Variants in FCN3 observed in about 807,000 individuals in gnomAD.
The protein encoded by FCN3 is ficolin-3.
A neutral mutation model predicts 31.5 loss-of-function variants in FCN3; 28 were observed. The observed-to-expected ratio is 0.89, with a 90% CI of 0.66 to 1.22. FCN3 has a LOEUF of 1.22. FCN3 is among the 50% of genes most tolerant of loss of function. The probability of loss-of-function intolerance (pLI) is 0.00; values close to 1 mark genes in which losing one functional copy is unlikely to be tolerated. For missense variants in FCN3, 351 were observed against 386.8 expected, an observed-to-expected ratio of 0.91 and a Z score of 0.78; for synonymous variants, 124 against 147.4, an observed-to-expected ratio of 0.84 and a Z score of 1.15.
chr1:27,369,173 G>C lies in FCN3; in HGVS notation c.*63C>G. On this transcript the variant is annotated 3_prime_UTR_variant, in exon 8 of 8. Coordinates refer to ENST00000270879, the MANE Select transcript of FCN3 (RefSeq NM_003665.4). ...AGGCAAGCAGAGGTGGTTGGCAAAGGCAAGGTGGCTGACGATCCGGAAGCT... is the reference window on the plus strand; with the variant it reads ...AGGCAAGCAGAGGTGGTTGGCAAAGCCAAGGTGGCTGACGATCCGGAAGCT... The C allele has an allele frequency of 6.3e-7, 1 of 1,590,904 alleles. No individual in the cohort carries two copies. Among genetic ancestry groups the C allele is most frequent in the South Asian group, 1.1e-5 (1 of 90,076 alleles).
rs1285141626 is a variant in FCN3 at position 27,371,216 on chromosome 1, A to G, written c.394-244T>C. Among the ~76,000 whole-genome samples, 5 of 152,200 alleles carry G rather than the reference A, an allele frequency of 3.3e-5. No homozygotes were observed. The East Asian group carries it at 9.6e-4, about 29-fold the overall frequency. ...CCTGGGAAGACTGAATTGACAAAAC[A>G]CTGTCCCCACCCACAGGAGATGGCC... On this transcript the variant is annotated intron_variant, in intron 5 of 7. Coordinates refer to ENST00000270879, the MANE Select transcript of FCN3 (RefSeq NM_003665.4).
chr1:27,373,451 G>C, intron 4 of FCN3, 37 bp downstream of exon 4: 1 of 1,612,810 alleles, frequency 6.2e-7, no homozygotes, highest in Non-Finnish European at 8.5e-7. Flanking sequence ...AACACCATGT[G>C]ATCCCAAGTT....
Position 27,369,471 on chromosome 1 carries a change from G to T in FCN3, c.665C>A (p.Ser222Tyr), listed in dbSNP as rs2016100629. Residue 222 changes from serine (S) to tyrosine (Y), a missense_variant, in exon 8 of 8, where the codon TCC becomes TAC. Ser to Tyr is a moderately radical substitution (Grantham distance 144). Transcript: ENST00000270879. ...GGGCCTCCCACTGTGGAGGCTCAGG[G>T]AATCCCCTAGCAGGGAAGGGATGGA... ...GKFSEGTAGD[S>Y]LSLHSGRPFT... is the part of the protein sequence containing the mutation. 1 of 1,613,704 alleles carries T rather than the reference G, an allele frequency of 6.2e-7. No homozygotes were observed. Among genetic ancestry groups the T allele is most frequent in the Non-Finnish European group, 8.5e-7 (1 of 1,179,720 alleles).
chr1:27,369,730 C>G (rs1036530714), intron 7 of FCN3, among the ~76,000 whole-genome samples: 1 of 151,116 alleles, frequency 6.6e-6, no homozygotes, highest in Non-Finnish European at 1.5e-5. Flanking sequence ...GAATCCCCGG[C>G]CCCCCTCTAG....
intron 3 of FCN3, 84 bp from the exon 4 acceptor site, chr1:27,373,604 T>C (rs2016191963): frequency 1.4e-6 from 2 of 1,441,934 alleles, no homozygotes; most frequent in Admixed American, 1.8e-5. Flanking sequence ...ACCCAGGCCC[T>C]TTTCCGAATC....
intron 3 of FCN3, 54 bp from the exon 4 acceptor site, chr1:27,373,574 G>C (rs370382377): frequency 6.7e-4 from 1,068 of 1,593,862 alleles, no homozygotes; most frequent in Non-Finnish European, 8.8e-4. Flanking sequence ...CCCCAGCGCT[G>C]AGCCACCAGT....
rs3813800 is a variant in FCN3, at chr1:27,370,983, G to T, written c.394-11C>A. On this transcript the variant is annotated splice_polypyrimidine_tract_variant and intron_variant, in intron 5 of 7. Coordinates refer to ENST00000270879, the MANE Select transcript of FCN3 (RefSeq NM_003665.4). ...GCGCCTCTGAAACACCTGGGGGAGGGGGGGCACAGCAGCTATTACTCCAGG... is the reference window on the plus strand; with the variant it reads ...GCGCCTCTGAAACACCTGGGGGAGGTGGGGCACAGCAGCTATTACTCCAGG... 23 of 1,610,974 alleles carry T rather than the reference G, an allele frequency of 1.4e-5. No homozygotes were observed. The Admixed American group carries it at 1.5e-4, about 11-fold the overall frequency.
rs2148069313 is a variant in FCN3 at position 27,369,450 on chromosome 1, C to T, written c.686G>A (p.Arg229Lys). 2 of 1,614,170 alleles carry T rather than the reference C, an allele frequency of 1.2e-6. No homozygotes were observed. Among genetic ancestry groups the T allele is most frequent in the Middle Eastern group, 1.6e-4 (1 of 6,062 alleles). Reference protein sequence around the residue: ...AGDSLSLHSGRPFTTYDADHD... With the variant: ...AGDSLSLHSGKPFTTYDADHD... The stretch of plus-strand genomic sequence containing the variant: ...GTCAGCGTCATAGGTGGTAAAGGGC[C>T]TCCCACTGTGGAGGCTCAGGGAATC... Residue 229 changes from arginine (R) to lysine (K), a missense_variant, in exon 8 of 8, where the codon AGG becomes AAG. By Grantham distance (26) the Arg-to-Lys change is conservative (BLOSUM62 2). Transcript: ENST00000270879.
intron 5 of FCN3, 148 bp downstream of exon 5, chr1:27,372,988 C>T: frequency 1.0e-6 from 1 of 987,070 alleles, no homozygotes; most frequent in East Asian, 2.4e-5. Context: ...CCTCATACTT[C>T]TTCAGGTCCC....
In FCN3 at chr1:27,369,457, T is replaced by C. The variant is rs763335663; in HGVS notation, c.679A>G (p.Ser227Gly). The C allele has an allele frequency of 6.8e-6, 11 of 1,613,798 alleles. No homozygotes were observed. The South Asian group carries it at 9.9e-5, about 14-fold the overall frequency. ...TCATAGGTGGTAAAGGGCCTCCCAC[T>C]GTGGAGGCTCAGGGAATCCCCTAGC... ...GTAGDSLSLH[S>G]GRPFTTYDAD... Residue 227 changes from serine (S) to glycine (G), a missense_variant, in exon 8 of 8, where the codon AGT (serine) becomes GGT (glycine). Ser to Gly is a moderately conservative substitution (Grantham distance 56). Coordinates refer to ENST00000270879, the MANE Select transcript of FCN3 (RefSeq NM_003665.4).
Position 27,370,603 on chromosome 1 carries a change from G to A in FCN3, c.651C>T (p.Gly217=). Residue 217 remains glycine, a synonymous_variant, in exon 7 of 8, where the codon GGC becomes GGT. Transcript: ENST00000270879. ...CCCCTTAGGCTCACTCACCTGCAGT[G>A]CCCTCTGAGAACTTGCCCAGTGCCA... is the stretch of plus-strand genomic sequence containing the variant. ...YQLALGKFSE[G]TAGDSLSLHS... 2 of 1,614,088 alleles carry A rather than the reference G, an allele frequency of 1.2e-6. No homozygotes were observed. The highest frequency in any genetic ancestry group is 1.7e-6 in the Non-Finnish European group (2 of 1,179,914).
chr1:27,370,800 C>G, intron 6 of FCN3, 43 bp downstream of exon 6: 2 of 1,610,782 alleles, frequency 1.2e-6, no homozygotes, highest in Non-Finnish European at 1.7e-6. Context: ...TTCAGGATGG[C>G]AGACAGTAAC....
At chr1:27,374,057 G>A (rs767786831) in intron 2 of FCN3, 48 bp from the exon 3 acceptor site, 2 of 1,546,214 alleles carry the variant, frequency 1.3e-6, no homozygotes, top group Admixed American at 3.7e-5. Context: ...CCATGCCCAG[G>A]ACCAAAAAGA....
chr1:27,373,886 C>G, intron 3 of FCN3, 79 bp downstream of exon 3: 1 of 1,253,544 alleles, frequency 8.0e-7, no homozygotes, highest in Non-Finnish European at 1.2e-6. Context: ...ATAGGCACAG[C>G]AGCCAAGCAG....
Position 27,373,590 on chromosome 1 carries a change from C to T in FCN3, c.233-70G>A, listed in dbSNP as rs1445431780. On this transcript the variant is annotated intron_variant, in intron 3 of 7. Transcript: ENST00000270879. ...CCCAGCGCTGAGCCACCAGTGGAGCCGGTACCCAGGCCCTTTTCCGAATCC... is the reference window on the plus strand; with the variant it reads ...CCCAGCGCTGAGCCACCAGTGGAGCTGGTACCCAGGCCCTTTTCCGAATCC... The T allele has an allele frequency of 9.0e-5, 138 of 1,538,878 alleles. 2 individuals carry two copies. The South Asian group carries it at 1.3e-3, about 15-fold the overall frequency.
At chr1:27,372,382 G>A (rs2016163240) in intron 5 of FCN3, among the ~76,000 whole-genome samples, 1 of 151,684 alleles carries the variant, frequency 6.6e-6, no homozygotes, top group Non-Finnish European at 1.5e-5. Context: ...TGAATAACTT[G>A]GATTACAGGC....
In FCN3 at chr1:27,369,252, C is replaced by A. The variant is rs536505067; in HGVS notation, c.884G>T (p.Arg295Leu). ...CAGAGTGCCCTATCGAAGCATCATC[C>A]GAACCCTGCGGTAGGGGTGGCCCAC... ...RGVGHPYRRV[R>L]MMLR Residue 295 changes from arginine to leucine, a missense_variant, in exon 8 of 8, where the codon CGG (arginine) becomes CTG (leucine). Physicochemically the swap from Arg to Leu is moderately radical, Grantham distance 102. Coordinates refer to ENST00000270879, the MANE Select transcript of FCN3 (RefSeq NM_003665.4). The A allele has an allele frequency of 6.2e-7, 1 of 1,614,208 alleles. No homozygotes were observed. Among genetic ancestry groups the A allele is most frequent in the South Asian group, 1.1e-5 (1 of 91,078 alleles).
intron 5 of FCN3, among the ~76,000 whole-genome samples, chr1:27,371,446 C>T (rs960095435): frequency 3.9e-5 from 6 of 152,182 alleles, no homozygotes; most frequent in African/African-American, 1.4e-4. Flanking sequence ...TGTGGTGGCT[C>T]ACACCTGTAG....
Position 27,370,980 on chromosome 1 carries a change from AG to A in FCN3, c.394-9del, listed in dbSNP as rs377733543. 21 of 1,600,484 alleles carry A rather than the reference AG, an allele frequency of 1.3e-5. No individual in the cohort carries two copies. Among genetic ancestry groups the A allele is most frequent in the Non-Finnish European group, 1.5e-5 (18 of 1,174,082 alleles). ...CTGGCGCCTCTGAAACACCTGGGGGAGGGGGGGCACAGCAGCTATTACTCCA... is the reference window on the plus strand; with the variant it reads ...CTGGCGCCTCTGAAACACCTGGGGGAGGGGGGCACAGCAGCTATTACTCCA... On this transcript the variant is annotated splice_polypyrimidine_tract_variant and intron_variant, in intron 5 of 7. Coordinates refer to ENST00000270879, the MANE Select transcript of FCN3 (RefSeq NM_003665.4).
Sources: allele counts gnomAD v4.1 joint callset (sites outside exome capture counted in the v4.1 genomes callset), GRCh38; gene constraint gnomAD v4.1.1; transcripts MANE v1.5; gene names NCBI Gene and HGNC (gene_info 2026-07-23, HGNC 2026-07-21).